The following RAB11FIP1 variants were observed in gnomAD, a reference collection of about 807,000 sequenced individuals.
RAB11FIP1 encodes RAB11 family interacting protein 1, also known as rab11 family-interacting protein 1.
RAB11FIP1 carries 49 observed loss-of-function variants against 83.1 expected under a neutral mutation model. The ratio of observed to expected loss-of-function variants is 0.59; its 90% CI spans 0.47 to 0.75. The LOEUF (loss-of-function observed/expected upper bound fraction) is 0.75. Ranked by LOEUF, RAB11FIP1 falls within the 30% of genes least tolerant of loss-of-function variation. RAB11FIP1 has a pLI of 0.00. For missense variants in RAB11FIP1, 1,536 were observed against 1,598.7 expected, an observed-to-expected ratio of 0.96 and a Z score of 0.67; for synonymous variants, 670 against 656.0, an observed-to-expected ratio of 1.02 and a Z score of -0.33.
At chr8:37,873,295 T>A in intron 3 of RAB11FIP1, 116 bp from the exon 4 acceptor site, 1 of 1,186,924 alleles carries the variant, frequency 8.4e-7, no homozygotes, top group Non-Finnish European at 1.1e-6. Context: ...CGTGGGGCAG[T>A]ACCTTAAGAA....
chr8:37,883,161 T>G (rs1053154321), intron 1 of RAB11FIP1, among the ~76,000 whole-genome samples: 2 of 152,006 alleles, frequency 1.3e-5, no homozygotes, highest in African/African-American at 4.8e-5. Context: ...TTGTTTCGTT[T>G]TTTTTTTTTT....
At chr8:37,870,813 CT>C (rs1806437485) in intron 4 of RAB11FIP1, 2 of 347,214 alleles carry the variant, frequency 5.8e-6, no homozygotes, top group Non-Finnish European at 1.0e-5. Context: ...TAAAGGCAGT[CT>C]CTTATTTTTT....
Position 37,899,046 on chromosome 8 carries a change from C to T in RAB11FIP1, c.371+25G>A. 2 of 1,449,170 alleles carry T rather than the reference C, an allele frequency of 1.4e-6. No individual in the cohort carries two copies. Among genetic ancestry groups the T allele is most frequent in the Non-Finnish European group, 1.8e-6 (2 of 1,110,472 alleles). The allele number at this position is 1,449,170 out of a possible 1,614,324, so 89.8% of individuals were successfully genotyped here. ...GAGGGGTCCGCGCCCCCAGGCCGGG[C>T]CCTCCCCTCCCCGCCCGCACTCACT... is the stretch of plus-strand genomic sequence containing the variant. On this transcript the variant is annotated intron_variant, in intron 1 of 5. Coordinates refer to ENST00000330843, the MANE Select transcript of RAB11FIP1 (RefSeq NM_001002814.3). This position sits in a 1 kb window ranked among gnomAD's most constrained non-coding sequence, Gnocchi z 4.5.
chr8:37,897,916 C>A (rs1807124213), intron 1 of RAB11FIP1, among the ~76,000 whole-genome samples: 1 of 152,222 alleles, frequency 6.6e-6, no homozygotes, highest in Non-Finnish European at 1.5e-5. Context: ...CCTCCCCCAA[C>A]CTCCACCCAC....
At chr8:37,887,169 A>C (rs1806849782) in intron 1 of RAB11FIP1, among the ~76,000 whole-genome samples, 1 of 152,098 alleles carries the variant, frequency 6.6e-6, no homozygotes, top group Non-Finnish European at 1.5e-5. Flanking sequence ...TTTTGACCTT[A>C]ATTCCCAAAA....
intron 2 of RAB11FIP1, among the ~76,000 whole-genome samples, 180 bp downstream of exon 2, chr8:37,876,929 C>A (rs770471731): frequency 2.0e-5 from 3 of 152,120 alleles, no homozygotes; most frequent in Non-Finnish European, 2.9e-5. Context: ...GCGTGAGCCA[C>A]CACGCCTAGC....
In RAB11FIP1 at chr8:37,879,346, CAGTT is replaced by C. The variant is rs1335229417; in HGVS notation, c.372-1799_372-1796del. The stretch of plus-strand genomic sequence containing the variant: ...AAACAAAAAAAAAAGTGAAATCAGT[CAGTT>C]AGAAAATGACAAACACTATATGAGT... On this transcript the variant is annotated intron_variant, in intron 1 of 5. Transcript: ENST00000330843. Among the ~76,000 whole-genome samples, 3 of 152,094 alleles carry C rather than the reference CAGTT, an allele frequency of 2.0e-5. No homozygotes were observed. The South Asian group carries it at 6.2e-4, about 32-fold the overall frequency.
rs1384513980 is a variant in RAB11FIP1 at position 37,899,298 on chromosome 8, G to T, written c.144C>A (p.Gly48=). Reference sequence around the variant, plus strand: ...ACACGGAGGTGGCGTACTTCTCCTTGCCCACCTGGATCACCGCGTACGCGT... The same window carrying T: ...ACACGGAGGTGGCGTACTTCTCCTTTCCCACCTGGATCACCGCGTACGCGT... ...TSDAYAVIQV[G]KEKYATSVSE... The change falls in exon 1 of 6, where the codon GGC becomes GGA. Residue 48 remains glycine (G), a synonymous_variant. Coordinates refer to ENST00000330843, the MANE Select transcript of RAB11FIP1 (RefSeq NM_001002814.3). The surrounding 1 kb of genome is among the most constrained non-coding windows in gnomAD (Gnocchi z 4.5). 1.2e-6 allele frequency: 2 copies of T among 1,609,976 alleles called. No homozygotes were observed.
chr8:37,871,619 G>C lies in RAB11FIP1; in HGVS notation c.3183C>G (p.Ser1061Arg). The C allele has an allele frequency of 1.2e-6, 2 of 1,606,674 alleles. No homozygotes were observed. The highest frequency in any genetic ancestry group is 1.7e-6 in the Non-Finnish European group (2 of 1,174,514). The change falls in exon 4 of 6, where the codon AGC becomes AGG. Residue 1061 changes from serine to arginine, a missense_variant. Transcript: ENST00000330843. ...TGGGGCCTGGCAGCTGTTTATCCAA[G>C]CTTGAGCTCTTGCCAAGATGTGGTT... ...IHKPHLGKSS[S>R]LDKQLPGPSG...
At chr8:37,876,099 G>A (rs766144373) in intron 2 of RAB11FIP1, among the ~76,000 whole-genome samples, 8 of 152,206 alleles carry the variant, frequency 5.3e-5, no homozygotes, top group Middle Eastern at 6.8e-3. Context: ...GGAGACTGAG[G>A]AAGGAGAATT....
intron 1 of RAB11FIP1, 94 bp downstream of exon 1, chr8:37,898,976 GC>G: frequency 1.6e-6 from 2 of 1,279,036 alleles, no homozygotes; most frequent in Non-Finnish European, 2.0e-6. Context: ...CCCCGCTGCT[GC>G]CCGGCTTACT....
rs142300397 is a variant in RAB11FIP1 at position 37,872,252 on chromosome 8, G to A, written c.2550C>T (p.Asp850=). The A allele has an allele frequency of 1.2e-5, 19 of 1,613,842 alleles. No homozygotes were observed. In the African/African-American group the frequency reaches 1.7e-4, roughly 15 times the overall value. ...PAWSVAGNAS[D]GEPPESPHAE... ...CGTGGGGAGACTCAGGAGGCTCTCC[G>A]TCAGACGCGTTTCCAGCAACAGACC... The change falls in exon 4 of 6, where the codon GAC becomes GAT. Residue 850 remains aspartate (D), a synonymous_variant. Coordinates refer to ENST00000330843, the MANE Select transcript of RAB11FIP1 (RefSeq NM_001002814.3).
intron 1 of RAB11FIP1, among the ~76,000 whole-genome samples, chr8:37,891,194 T>C (rs2130190798): frequency 6.6e-6 from 1 of 152,280 alleles, no homozygotes; most frequent in East Asian, 1.9e-4. Flanking sequence ...TTTGTTGTAA[T>C]TCAGAGACCC....
intron 1 of RAB11FIP1, among the ~76,000 whole-genome samples, chr8:37,883,777 G>C (rs1806769953): frequency 6.6e-6 from 1 of 152,172 alleles, no homozygotes; most frequent in Non-Finnish European, 1.5e-5. Context: ...GTGTGTTCCA[G>C]TATTATCTTT....
chr8:37,879,109 A>T (rs1206104656), intron 1 of RAB11FIP1, among the ~76,000 whole-genome samples: 1 of 152,186 alleles, frequency 6.6e-6, no homozygotes, highest in Non-Finnish European at 1.5e-5. Flanking sequence ...GGAACTCAAG[A>T]CCAGCCTGGC....
intron 1 of RAB11FIP1, among the ~76,000 whole-genome samples, chr8:37,896,072 G>A (rs1045595803): frequency 6.6e-6 from 1 of 152,120 alleles, no homozygotes; most frequent in Non-Finnish European, 1.5e-5. Flanking sequence ...CACTTTGGGA[G>A]GCTGAGGCGG....
At chr8:37,876,125 G>A (rs1378731054) in intron 2 of RAB11FIP1, among the ~76,000 whole-genome samples, 1 of 152,016 alleles carries the variant, frequency 6.6e-6, no homozygotes, top group African/African-American at 2.4e-5. Flanking sequence ...AACCCAGGAG[G>A]CGGAAGTTGC....
intron 5 of RAB11FIP1, among the ~76,000 whole-genome samples, chr8:37,867,761 G>C (rs775225054): frequency 6.6e-6 from 1 of 151,676 alleles, no homozygotes; most frequent in South Asian, 2.1e-4. Flanking sequence ...AGGAAAGAAG[G>C]AAGGAAGGAA....
At position 37,874,725 on chromosome 8, in the gene RAB11FIP1, T is replaced by C. The variant is rs1297463459; in HGVS notation, c.1412A>G (p.Lys471Arg). The change falls in exon 3 of 6, where the codon AAG becomes AGG. Residue 471 changes from lysine to arginine, a missense_variant. Physicochemically the swap from Lys to Arg is conservative, Grantham distance 26. Coordinates refer to ENST00000330843, the MANE Select transcript of RAB11FIP1 (RefSeq NM_001002814.3). Reference sequence around the variant, plus strand: ...AGGCCCCGATGCGTCCTCCCCCGGCTTAACCCCCATCAGCATGCCTTCCTT... The same window carrying C: ...AGGCCCCGATGCGTCCTCCCCCGGCCTAACCCCCATCAGCATGCCTTCCTT... ...REKEGMLMGV[K>R]PGEDASGPAE... 6.2e-7 allele frequency: 1 copy of C among 1,614,118 alleles called. No homozygotes were observed.
Sources: allele counts gnomAD v4.1 joint callset (sites outside exome capture counted in the v4.1 genomes callset), GRCh38; gene constraint gnomAD v4.1.1; non-coding constraint Gnocchi (gnomAD v3.1); transcripts MANE v1.5; gene names NCBI Gene and HGNC (gene_info 2026-07-23, HGNC 2026-07-21).